ARHGAP6: variants seen among roughly 807,000 people sequenced by gnomAD.
ARHGAP6 encodes Rho GTPase activating protein 6.
In ARHGAP6, 16 loss-of-function variants were observed where a neutral mutation model predicts 55.7. That is an observed-to-expected ratio of 0.29 (90% CI 0.19 to 0.44). ARHGAP6 has a LOEUF of 0.44. ARHGAP6 is among the 20% of genes least tolerant of loss of function. The pLI, the probability that ARHGAP6 is intolerant of heterozygous loss-of-function variation, is 1.00. For synonymous variants in ARHGAP6, 382 were observed against 360.9 expected, an observed-to-expected ratio of 1.06 and a Z score of -0.66; for missense variants, 698 against 808.9, an observed-to-expected ratio of 0.86 and a Z score of 1.66.
At chrX:11,454,110 A>ATTTTTTTTTTTTTTTTTTTT (rs1187605203) in intron 1 of ARHGAP6, among the ~76,000 whole-genome samples, 6 of 76,853 alleles carry the variant, frequency 7.8e-5, no homozygotes, top group African/African-American at 1.0e-4. Flanking sequence ...CGCACGGCTA[A>ATTTTTTTTTTTTTTTTTTTT]TTTTTTTTTT....
Position 11,664,764 on chromosome X carries a change from G to T in ARHGAP6, c.65C>A (p.Ala22Asp), listed in dbSNP as rs746675466. 5.8e-6 allele frequency: 7 copies of T among 1,201,573 alleles called. No individual in the cohort carries two copies. Among genetic ancestry groups the T allele is most frequent in the Middle Eastern group, 2.6e-4 (1 of 3,805 alleles). ...CCTCTTGGAGAAGCCCTTGGCCGAG[G>T]CCGCGCTACTTGAAGCGGGCGAGGA... ...SCSSPASSSA[A>D]SAKGFSKRKL... The change falls in exon 1 of 13, where the codon GCC (alanine) becomes GAC (aspartate). Residue 22 changes from alanine to aspartate, a missense_variant. Transcript: ENST00000337414.
intron 1 of ARHGAP6, among the ~76,000 whole-genome samples, chrX:11,360,227 C>A (rs188927876): frequency 4.5e-5 from 5 of 111,921 alleles, no homozygotes; most frequent in African/African-American, 1.6e-4. Flanking sequence ...AGACCAATAT[C>A]CCTGATGAAC....
At chrX:11,354,295 T>TCTCTC (rs2048900541) in intron 1 of ARHGAP6, among the ~76,000 whole-genome samples, 4 of 41,041 alleles carry the variant, frequency 9.7e-5, no homozygotes, top group Non-Finnish European at 1.2e-4. Flanking sequence ...CTCTCTCTCT[T>TCTCTC]TCTCTCTCTC....
chrX:11,664,452 A>G lies in ARHGAP6; in HGVS notation c.377T>C (p.Leu126Pro). 8.3e-7 allele frequency: 1 copy of G among 1,211,609 alleles called. No homozygotes were observed. Among genetic ancestry groups the G allele is most frequent in the Non-Finnish European group, 1.1e-6 (1 of 895,275 alleles). ...GCTCTTCTTGAGGCCGCCGCGACCC[A>G]GGGGAACCTCATAGTCAAAGTGAAA... ...GSFHFDYEVP[L>P]GRGGLKKSMA... The change falls in exon 1 of 13, where the codon CTG becomes CCG. Residue 126 changes from leucine (L) to proline (P), a missense_variant. By Grantham distance (98) the Leu-to-Pro change is moderately conservative. Transcript: ENST00000337414.
At chrX:11,314,805 A>C (rs781279220) in intron 1 of ARHGAP6, among the ~76,000 whole-genome samples, 17 of 111,798 alleles carry the variant, frequency 1.5e-4, no homozygotes, top group Non-Finnish European at 2.4e-4. Flanking sequence ...GGGTGGGAGG[A>C]GGGAGAGGAA....
rs1047418039 is a variant in ARHGAP6, at chrX:11,551,508, G to A, written c.588+112733C>T. ...ACTTTTGTTGGTTTTACTAACTCCAGAGTTTGACATTTCAGAAGATGAGTG... is the reference window on the plus strand; with the variant it reads ...ACTTTTGTTGGTTTTACTAACTCCAAAGTTTGACATTTCAGAAGATGAGTG... On this transcript the variant is annotated intron_variant, in intron 1 of 12. Transcript: ENST00000337414. Among the ~76,000 whole-genome samples the A allele has an allele frequency of 3.6e-5, 4 of 111,532 alleles. No individual in the cohort carries two copies. In the Admixed American group the frequency reaches 3.8e-4, roughly 11 times the overall value.
At chrX:11,307,335 G>C (rs982175298) in intron 1 of ARHGAP6, among the ~76,000 whole-genome samples, 2 of 110,596 alleles carry the variant, frequency 1.8e-5, no homozygotes, top group African/African-American at 3.3e-5. Flanking sequence ...TAATTGGCTT[G>C]CATACTCTCT....
At chrX:11,399,354 CA>C (rs56197001) in intron 1 of ARHGAP6, among the ~76,000 whole-genome samples, 3,966 of 35,299 alleles carry the variant, frequency 0.11, 91 homozygotes, top group African/African-American at 0.15. Context: ...AATAAGCAAT[CA>C]AAAAAAAAAA....
At chrX:11,167,677 A>G (rs2046034791) in intron 9 of ARHGAP6, among the ~76,000 whole-genome samples, 1 of 111,961 alleles carries the variant, frequency 8.9e-6, no homozygotes, top group South Asian at 3.7e-4. Context: ...GTTTCATATA[A>G]AGGAGAACTT....
chrX:11,442,908 G>A (rs997901403), intron 1 of ARHGAP6, among the ~76,000 whole-genome samples: 1 of 112,243 alleles, frequency 8.9e-6, no homozygotes, highest in African/African-American at 3.2e-5. Context: ...AACTGGCTGA[G>A]AGCAATGCTG....
At chrX:11,483,892 C>A (rs919370453) in intron 1 of ARHGAP6, among the ~76,000 whole-genome samples, 6 of 111,438 alleles carry the variant, frequency 5.4e-5, no homozygotes, top group African/African-American at 2.0e-4. Flanking sequence ...AAGTTAAAGC[C>A]AGCAGGGAGG....
rs181061323 is a variant in ARHGAP6, at chrX:11,339,607, C to T, written c.589-84900G>A. ...GTTAATAATACAGATTTTATATTAA[C>T]GTTAATATATCAAAATATAATAATA... On this transcript the variant is annotated intron_variant, in intron 1 of 12. Transcript: ENST00000337414. Among the ~76,000 whole-genome samples, 487 of 110,154 alleles carry T rather than the reference C, an allele frequency of 4.4e-3. 2 individuals carry two copies. The highest frequency in any genetic ancestry group is 7.2e-3 in the Non-Finnish European group (378 of 52,799).
At chrX:11,220,728 CA>C (rs1483173455) in intron 2 of ARHGAP6, among the ~76,000 whole-genome samples, 2 of 109,333 alleles carry the variant, frequency 1.8e-5, no homozygotes, top group Admixed American at 2.0e-4. Flanking sequence ...CATCGACTAA[CA>C]AGCAAAATAA....
chrX:11,519,804 A>G (rs2050893222), intron 1 of ARHGAP6, among the ~76,000 whole-genome samples: 1 of 106,851 alleles, frequency 9.4e-6, no homozygotes, highest in Admixed American at 1.0e-4. Context: ...CTGAAACTGG[A>G]CCCCTTCCTT....
At chrX:11,247,355 T>G (rs1298442402) in intron 2 of ARHGAP6, among the ~76,000 whole-genome samples, 1 of 112,606 alleles carries the variant, frequency 8.9e-6, no homozygotes, top group African/African-American at 3.2e-5. Context: ...TATAGAACCA[T>G]TCAACTGTAA....
intron 1 of ARHGAP6, among the ~76,000 whole-genome samples, chrX:11,658,969 C>A (rs2052667509): frequency 9.1e-6 from 1 of 110,247 alleles, no homozygotes; most frequent in Non-Finnish European, 1.9e-5. Context: ...TGCTGCCAGG[C>A]ATTGCCAAAA....
intron 1 of ARHGAP6, among the ~76,000 whole-genome samples, chrX:11,440,341 C>T (rs1324788367): frequency 8.9e-6 from 1 of 112,425 alleles, no homozygotes; most frequent in Non-Finnish European, 1.9e-5. Flanking sequence ...CTACAGTACA[C>T]ATAGCATCCT....
At chrX:11,645,219 T>G (rs2052514368) in intron 1 of ARHGAP6, among the ~76,000 whole-genome samples, 1 of 111,577 alleles carries the variant, frequency 9.0e-6, no homozygotes, top group Non-Finnish European at 1.9e-5. Flanking sequence ...GACAGTTTTT[T>G]GGGGACACTG....
At chrX:11,433,191 C>G (rs780575867) in intron 1 of ARHGAP6, among the ~76,000 whole-genome samples, 4 of 112,026 alleles carry the variant, frequency 3.6e-5, no homozygotes, top group African/African-American at 1.3e-4. Context: ...CAGCATAGTA[C>G]CATTGTCTTT....
Sources: gnomAD v4.1 joint callset for allele counts (sites outside exome capture counted in the v4.1 genomes callset) on GRCh38, gnomAD v4.1.1 for gene constraint, MANE v1.5 for transcripts, NCBI Gene and HGNC (gene_info 2026-07-23, HGNC 2026-07-21) for gene names.